The following KCTD16 variants were observed in gnomAD, a reference collection of about 807,000 sequenced individuals.
The protein encoded by KCTD16 is BTB/POZ domain-containing protein KCTD16.
A neutral mutation model predicts 33.2 loss-of-function variants in KCTD16; 13 were observed. The ratio of observed to expected loss-of-function variants is 0.39; its 90% CI spans 0.25 to 0.62. KCTD16 has a LOEUF of 0.62. KCTD16 is among the 20% of genes least tolerant of loss of function. KCTD16 has a pLI of 0.50. For synonymous variants in KCTD16, 197 were observed against 195.3 expected (o/e 1.01, Z -0.07); for missense variants, 441 against 525.1 (o/e 0.84, Z 1.57).
Position 144,360,534 on chromosome 5 carries a change from C to T in KCTD16, c.833-113126C>T, listed in dbSNP as rs368644900. 2.6e-3 allele frequency among the ~76,000 whole-genome samples: 398 copies of T among 151,878 alleles called. 3 individuals are homozygous for T. Among genetic ancestry groups the T allele is most frequent in the African/African-American group, 8.9e-3 (367 of 41,412 alleles). ...GCAACCTCTGCCTCCCGGGTTCAAG[C>T]GATTCTTCTGCCTCAGCCTCCCAAG... is the stretch of plus-strand genomic sequence containing the variant. On this transcript the variant is annotated intron_variant, in intron 3 of 3. Transcript: ENST00000512467.
At chr5:144,190,048 C>T (rs1016525835) in intron 2 of KCTD16, among the ~76,000 whole-genome samples, 5 of 152,164 alleles carry the variant, frequency 3.3e-5, no homozygotes, top group African/African-American at 1.2e-4. Flanking sequence ...ATTACATAAG[C>T]ACAAATGAAT....
chr5:144,225,883 T>G (rs1425716915), intron 3 of KCTD16, among the ~76,000 whole-genome samples: 1 of 152,154 alleles, frequency 6.6e-6, no homozygotes, highest in Admixed American at 6.6e-5. Flanking sequence ...AATAACAGCT[T>G]TCCATTACTT....
intron 3 of KCTD16, among the ~76,000 whole-genome samples, chr5:144,258,579 G>A (rs1324056384): frequency 2.0e-5 from 3 of 152,170 alleles, no homozygotes; most frequent in Non-Finnish European, 2.9e-5. Flanking sequence ...TGGAATTTAA[G>A]CAGACCTTAA....
At chr5:144,253,707 A>G (rs533187204) in intron 3 of KCTD16, among the ~76,000 whole-genome samples, 130 of 152,202 alleles carry the variant, frequency 8.5e-4, no homozygotes, top group Middle Eastern at 3.4e-3. Context: ...GTGGAGAGAG[A>G]CTTAAAAGAA....
At chr5:144,222,520 C>T (rs1007887717) in intron 3 of KCTD16, among the ~76,000 whole-genome samples, 5 of 151,902 alleles carry the variant, frequency 3.3e-5, no homozygotes, top group African/African-American at 7.3e-5. Flanking sequence ...ACATTTATGC[C>T]GCCAACAGAC....
chr5:144,307,084 T>C (rs1751621085), intron 3 of KCTD16, among the ~76,000 whole-genome samples: 2 of 152,240 alleles, frequency 1.3e-5, no homozygotes, highest in Admixed American at 1.3e-4. Context: ...GCCTTCTCCA[T>C]ACCTGCATGC....
rs1754774104 is a variant in KCTD16 at position 144,484,962 on chromosome 5, C to T, written c.*10848C>T. 6.6e-6 allele frequency: 1 copy of T among 151,896 alleles called. No individual in the cohort carries two copies. The highest frequency in any genetic ancestry group is 1.5e-5 in the Non-Finnish European group (1 of 67,918). The allele number at this position is 151,896 out of a possible 1,614,324, so 9.4% of individuals were successfully genotyped here. A position where few individuals can be genotyped will look rare whatever the true frequency, so the allele number is the denominator to read the frequency against. On this transcript the variant is annotated 3_prime_UTR_variant, in exon 4 of 4. Transcript: ENST00000512467. ...GGTGTTAAAATGAATGTGCTTATTA[C>T]AGTATAAACATCATTAATTATGGAC...
At chr5:144,345,074 G>A (rs831411) in intron 3 of KCTD16, among the ~76,000 whole-genome samples, 50,500 of 151,144 alleles carry the variant, frequency 0.33, 9,121 homozygotes, top group African/African-American at 0.47. Context: ...ATGTAATTGG[G>A]AATCATCATT....
At chr5:144,428,521 G>T (rs921785627) in intron 3 of KCTD16, among the ~76,000 whole-genome samples, 1 of 152,140 alleles carries the variant, frequency 6.6e-6, no homozygotes, top group African/African-American at 2.4e-5. Flanking sequence ...TTTTGTCAGG[G>T]TGTTGCAGGA....
At chr5:144,343,409 G>C (rs1042093754) in intron 3 of KCTD16, among the ~76,000 whole-genome samples, 1 of 152,082 alleles carries the variant, frequency 6.6e-6, no homozygotes, top group East Asian at 1.9e-4. Context: ...GTATTTCTGT[G>C]GGATTGGTGG....
chr5:144,442,192 G>A (rs951935161), intron 3 of KCTD16, among the ~76,000 whole-genome samples: 16 of 152,108 alleles, frequency 1.1e-4, no homozygotes, highest in African/African-American at 3.1e-4. Flanking sequence ...TAGTCTTCCA[G>A]TATTTTGTCA....
At chr5:144,469,725 C>G (rs1434506822) in intron 3 of KCTD16, among the ~76,000 whole-genome samples, 2 of 151,972 alleles carry the variant, frequency 1.3e-5, no homozygotes, top group Non-Finnish European at 2.9e-5. Context: ...AAGTCTGACT[C>G]TGGCGCCTGA....
intron 3 of KCTD16, among the ~76,000 whole-genome samples, chr5:144,409,654 T>C (rs950902172): frequency 3.3e-5 from 5 of 152,010 alleles, no homozygotes; most frequent in African/African-American, 1.2e-4. Flanking sequence ...AGGTCAGGGT[T>C]CGAGACCAGC....
At chr5:144,299,121 T>TC (rs1756156153) in intron 3 of KCTD16, among the ~76,000 whole-genome samples, 7 of 20,752 alleles carry the variant, frequency 3.4e-4, no homozygotes, top group Non-Finnish European at 5.4e-4. Flanking sequence ...TATATATATA[T>TC]ATATATATAT....
intron 3 of KCTD16, among the ~76,000 whole-genome samples, chr5:144,337,860 C>A (rs941936172): frequency 6.6e-6 from 1 of 152,070 alleles, no homozygotes; most frequent in African/African-American, 2.4e-5. Context: ...AGGTCCAGAT[C>A]TTGGCTTGCC....
At chr5:144,295,262 T>A (rs1009643355) in intron 3 of KCTD16, among the ~76,000 whole-genome samples, 3 of 152,234 alleles carry the variant, frequency 2.0e-5, no homozygotes, top group Admixed American at 6.5e-5. Context: ...GAGCCACCAT[T>A]TGTTTGCTCC....
At chr5:144,426,400 G>T (rs1753330204) in intron 3 of KCTD16, among the ~76,000 whole-genome samples, 1 of 152,064 alleles carries the variant, frequency 6.6e-6, no homozygotes, top group South Asian at 2.1e-4. Flanking sequence ...CTTCTATTGA[G>T]CTCTCACCAG....
At chr5:144,390,669 C>T (rs1308379951) in intron 3 of KCTD16, among the ~76,000 whole-genome samples, 3 of 151,934 alleles carry the variant, frequency 2.0e-5, no homozygotes, top group Admixed American at 2.0e-4. Context: ...TAATGCTATC[C>T]CTCCCCTTGC....
chr5:144,390,903 G>T lies in KCTD16; in HGVS notation c.833-82757G>T, dbSNP rs115047959. ...CCGAGAAGTGATTTTTTCAAAGCAA[G>T]ATTGAGTTGATTAGTCACATCTAGG... On this transcript the variant is annotated intron_variant, in intron 3 of 3. Transcript: ENST00000512467. Among the ~76,000 whole-genome samples, 262 of 152,270 alleles carry T rather than the reference G, an allele frequency of 1.7e-3. 2 individuals carry two copies. The highest frequency in any genetic ancestry group is 6.0e-3 in the African/African-American group (249 of 41,558).
Sources: allele counts gnomAD v4.1 joint callset (sites outside exome capture counted in the v4.1 genomes callset), GRCh38; gene constraint gnomAD v4.1.1; transcripts MANE v1.5; gene names NCBI Gene and HGNC (gene_info 2026-07-23, HGNC 2026-07-21).